The following RORA variants were observed in gnomAD, a reference collection of about 807,000 sequenced individuals.
RORA encodes nuclear receptor ROR-alpha.
RORA carries 7 observed loss-of-function variants against 69.5 expected under a neutral mutation model. That is an observed-to-expected ratio of 0.10 (90% CI 0.06 to 0.19). RORA has a LOEUF of 0.19. Ranked by LOEUF, RORA falls within the 10% of genes least tolerant of loss-of-function variation. RORA has a pLI of 1.00. For missense variants in RORA, 457 were observed against 663.0 expected (o/e 0.69, Z 3.41); for synonymous variants, 261 against 240.8 (o/e 1.08, Z -0.78).
At chr15:60,982,290 A>T (rs1337432415) in intron 1 of RORA, among the ~76,000 whole-genome samples, 2 of 152,112 alleles carry the variant, frequency 1.3e-5, no homozygotes, top group Admixed American at 1.3e-4. Context: ...ATTTTTCCTG[A>T]GTGTGTGCAC....
intron 1 of RORA, among the ~76,000 whole-genome samples, chr15:60,854,087 C>T (rs1166992025): frequency 6.6e-6 from 1 of 151,988 alleles, no homozygotes; most frequent in Non-Finnish European, 1.5e-5. Flanking sequence ...CATGGTGAAA[C>T]CCCATCTCCA....
intron 1 of RORA, among the ~76,000 whole-genome samples, chr15:61,206,633 C>T (rs2140932522): frequency 6.6e-6 from 1 of 152,262 alleles, no homozygotes; most frequent in East Asian, 1.9e-4. Flanking sequence ...TTCCTATTTC[C>T]TTCCCGATGG....
intron 1 of RORA, among the ~76,000 whole-genome samples, chr15:61,028,131 CT>C (rs1289539492): frequency 6.6e-6 from 1 of 152,184 alleles, no homozygotes; most frequent in African/African-American, 2.4e-5. Flanking sequence ...GACAGCTCTG[CT>C]TCTGGCTCAC....
At chr15:60,528,267 G>C (rs1342967725) in intron 3 of RORA, 1 of 152,266 alleles carries the variant, frequency 6.6e-6, no homozygotes, top group East Asian at 1.9e-4. Flanking sequence ...GTCTTGCTGT[G>C]TTGCTCAGGC....
At chr15:60,965,911 A>G (rs184719183) in intron 1 of RORA, among the ~76,000 whole-genome samples, 64 of 152,230 alleles carry the variant, frequency 4.2e-4, no homozygotes, top group African/African-American at 1.4e-3. Context: ...TTTAATATAT[A>G]TGTATTAGTT....
chr15:60,878,930 A>G (rs1450936363), intron 1 of RORA, among the ~76,000 whole-genome samples: 2 of 152,182 alleles, frequency 1.3e-5, no homozygotes, highest in African/African-American at 4.8e-5. Flanking sequence ...CTCCAGACCA[A>G]TGGTGGATCT....
chr15:60,694,728 CTT>C (rs2070877645), intron 1 of RORA, among the ~76,000 whole-genome samples: 1 of 152,164 alleles, frequency 6.6e-6, no homozygotes, highest in South Asian at 2.1e-4. Flanking sequence ...CTTGTCTTTG[CTT>C]TTCCCCACAT....
In RORA at chr15:60,826,763, CTCCCTCT is replaced by C. The variant is rs2072966047; in HGVS notation, c.167-148084_167-148078del. Among the ~76,000 whole-genome samples, 14 of 98,528 alleles carry C rather than the reference CTCCCTCT, an allele frequency of 1.4e-4. No individual in the cohort carries two copies. In the South Asian group the frequency reaches 1.5e-3, roughly 10 times the overall value. The allele number at this position is 98,528 out of a possible 152,430, so 64.6% of individuals were successfully genotyped here. On this transcript the variant is annotated intron_variant, in intron 1 of 10. Coordinates refer to ENST00000335670, the MANE Select transcript of RORA (RefSeq NM_134261.3). ...CTGCTCTCTCTCTCTCTCTCTCTCT[CTCCCTCT>C]CTCTCTCTCTCTCTCTCTCTTTTTT... is the stretch of plus-strand genomic sequence containing the variant.
chr15:61,134,650 T>C (rs1458805234), intron 1 of RORA, among the ~76,000 whole-genome samples: 1 of 152,222 alleles, frequency 6.6e-6, no homozygotes, highest in Non-Finnish European at 1.5e-5. Context: ...CAAACACAAA[T>C]GTGCTTATAA....
chr15:61,168,482 C>T (rs1272986658), intron 1 of RORA, among the ~76,000 whole-genome samples: 1 of 152,132 alleles, frequency 6.6e-6, no homozygotes, highest in Non-Finnish European at 1.5e-5. Context: ...TGTTCCCGAA[C>T]TCCTGAGCTC....
At chr15:61,225,776 C>T (rs576243804) in intron 1 of RORA, among the ~76,000 whole-genome samples, 3 of 152,290 alleles carry the variant, frequency 2.0e-5, no homozygotes, top group South Asian at 4.1e-4. Flanking sequence ...AGTTATGTCA[C>T]GAGGCTCATG....
chr15:61,053,577 C>T (rs1411936390), intron 1 of RORA, among the ~76,000 whole-genome samples: 2 of 151,878 alleles, frequency 1.3e-5, no homozygotes, highest in East Asian at 3.9e-4. Flanking sequence ...CCCTCCTGGA[C>T]CTGGATCTGG....
chr15:60,505,582 A>G lies in RORA; in HGVS notation c.868T>C (p.Tyr290His), dbSNP rs769793850. 4.3e-6 allele frequency: 7 copies of G among 1,613,850 alleles called. No individual in the cohort carries two copies. The Admixed American group carries it at 6.7e-5, about 15-fold the overall frequency. Residue 290 changes from tyrosine to histidine, a missense_variant, in exon 6 of 11, where the codon TAC (tyrosine) becomes CAC (histidine). By Grantham distance (83) the Tyr-to-His change is moderately conservative. Transcript: ENST00000335670. ...ATCTGCTGGAGCTCTTCTCTCAAGT[A>G]TTGGCAGGTTTCCAGATGCGATTTA... ...ISKSHLETCQYLREELQQITW... is the reference protein window; with the variant it reads ...ISKSHLETCQHLREELQQITW...
intron 1 of RORA, among the ~76,000 whole-genome samples, chr15:60,930,630 A>C (rs1008945308): frequency 7.9e-5 from 12 of 152,216 alleles, no homozygotes; most frequent in African/African-American, 2.2e-4. Context: ...ACAGCCTTGT[A>C]GCTCATTATG....
At chr15:60,973,602 G>A (rs1448041303) in intron 1 of RORA, among the ~76,000 whole-genome samples, 1 of 152,200 alleles carries the variant, frequency 6.6e-6, no homozygotes, top group East Asian at 1.9e-4. Flanking sequence ...TAACAGTGGT[G>A]ACCTCTGACA....
chr15:60,664,613 A>G (rs2070354711), intron 2 of RORA, among the ~76,000 whole-genome samples: 1 of 152,212 alleles, frequency 6.6e-6, no homozygotes, highest in Non-Finnish European at 1.5e-5. Context: ...TTTCCTAAGA[A>G]GAGATGGACT....
intron 1 of RORA, among the ~76,000 whole-genome samples, chr15:60,702,680 G>T (rs904295927): frequency 2.0e-5 from 3 of 152,168 alleles, no homozygotes; most frequent in Non-Finnish European, 2.9e-5. Flanking sequence ...ATTTTACAAG[G>T]ATTAACTGAA....
intron 1 of RORA, among the ~76,000 whole-genome samples, chr15:60,924,839 G>T (rs1376644128): frequency 2.0e-5 from 3 of 152,144 alleles, no homozygotes; most frequent in Non-Finnish European, 4.4e-5. Flanking sequence ...AGCACTTTGG[G>T]AGGCCGAGGT....
chr15:61,206,758 C>G (rs895716053), intron 1 of RORA, among the ~76,000 whole-genome samples: 3 of 152,298 alleles, frequency 2.0e-5, no homozygotes, highest in Non-Finnish European at 4.4e-5. Flanking sequence ...CTCAGCAGCC[C>G]TCTCTGCCCA....
Sources: allele counts gnomAD v4.1 joint callset (sites outside exome capture counted in the v4.1 genomes callset), GRCh38; gene constraint gnomAD v4.1.1; transcripts MANE v1.5; gene names NCBI Gene and HGNC (gene_info 2026-07-23, HGNC 2026-07-21).